The following TDRD5 variants were observed in gnomAD, a reference collection of about 807,000 sequenced individuals.
The protein encoded by TDRD5 is tudor domain-containing protein 5.
A neutral mutation model predicts 120.6 loss-of-function variants in TDRD5; 41 were observed. The observed-to-expected ratio is 0.34, with a 90% CI of 0.26 to 0.44. The LOEUF is 0.44. TDRD5 is among the 20% of genes least tolerant of loss of function. The pLI, the probability that TDRD5 is intolerant of heterozygous loss-of-function variation, is 1.00. For synonymous variants in TDRD5, 430 were observed against 433.7 expected (o/e 0.99, Z 0.11); for missense variants, 1,006 against 1,221.2 (o/e 0.82, Z 2.63).
intron 14 of TDRD5, among the ~76,000 whole-genome samples, chr1:179,659,550 C>CGTGT (rs71569263): frequency 0.026 from 3,400 of 129,814 alleles, 64 homozygotes; most frequent in Middle Eastern, 0.078. Flanking sequence ...TTCCAGTTTT[C>CGTGT]GTGTGTGTGT....
chr1:179,628,023 AT>A (rs1677223349), intron 6 of TDRD5, among the ~76,000 whole-genome samples: 1 of 152,196 alleles, frequency 6.6e-6, no homozygotes, highest in Admixed American at 6.5e-5. Flanking sequence ...ACAACCAGAT[AT>A]TACGTGCCCC....
At chr1:179,654,144 G>A in intron 13 of TDRD5, 57 bp from the exon 14 acceptor site, 1 of 1,398,742 alleles carries the variant, frequency 7.1e-7, no homozygotes, top group African/African-American at 1.4e-5. Context: ...TAGGCATGTA[G>A]ATTTTGGAAA....
Position 179,673,663 on chromosome 1 carries a change from T to C in TDRD5, c.2860+4259T>C, listed in dbSNP as rs1182934362. Among the ~76,000 whole-genome samples, 3 of 152,052 alleles carry C rather than the reference T, an allele frequency of 2.0e-5. No homozygotes were observed. The South Asian group carries it at 6.3e-4, about 32-fold the overall frequency. On this transcript the variant is annotated intron_variant, in intron 17 of 17. Transcript: ENST00000444136. The stretch of plus-strand genomic sequence containing the variant: ...GGTGATTCACAAATGGTTACATTCT[T>C]TTGAGTTTCTGATTAGCCTTTCCAA...
chr1:179,601,933 G>A (rs1197144307), intron 4 of TDRD5, among the ~76,000 whole-genome samples: 1 of 152,178 alleles, frequency 6.6e-6, no homozygotes, highest in African/African-American at 2.4e-5. Context: ...AGCCTCCCGA[G>A]TAGCTGGGAC....
chr1:179,631,132 C>T (rs1166509946), intron 7 of TDRD5, among the ~76,000 whole-genome samples: 1 of 152,132 alleles, frequency 6.6e-6, no homozygotes, highest in Non-Finnish European at 1.5e-5. Flanking sequence ...TGGCTCATGC[C>T]TATAATCCCA....
At chr1:179,621,689 A>G (rs1168789517) in intron 6 of TDRD5, among the ~76,000 whole-genome samples, 1 of 152,168 alleles carries the variant, frequency 6.6e-6, no homozygotes, top group Non-Finnish European at 1.5e-5. Flanking sequence ...TAAAACCATA[A>G]TGTTGAGTGA....
chr1:179,641,034 G>C (rs1369216310), intron 11 of TDRD5, among the ~76,000 whole-genome samples: 1 of 152,106 alleles, frequency 6.6e-6, no homozygotes, highest in African/African-American at 2.4e-5. Context: ...CTTTGAGGTG[G>C]AATGGAGCAG....
At chr1:179,640,283 G>T (rs1249693710) in intron 10 of TDRD5, 96 bp from the exon 11 acceptor site, 1 of 1,357,498 alleles carries the variant, frequency 7.4e-7, no homozygotes, top group African/African-American at 1.4e-5. Flanking sequence ...TTACGTTTTA[G>T]TCTCTTATTA....
chr1:179,638,153 G>GTAAATACCC (rs1292450141), intron 9 of TDRD5, among the ~76,000 whole-genome samples: 1 of 133,140 alleles, frequency 7.5e-6, no homozygotes, highest in African/African-American at 2.7e-5. Context: ...AATACCATGG[G>GTAAATACCC]AAGATGTTTT....
chr1:179,594,603 TAC>T (rs1245104922), intron 3 of TDRD5, among the ~76,000 whole-genome samples: 1 of 152,276 alleles, frequency 6.6e-6, no homozygotes, highest in African/African-American at 2.4e-5. Context: ...CTTGACAATG[TAC>T]AGTTTACACA....
At chr1:179,597,472 C>T (rs976218892) in intron 4 of TDRD5, among the ~76,000 whole-genome samples, 93 of 151,790 alleles carry the variant, frequency 6.1e-4, no homozygotes, top group African/African-American at 2.1e-3. Flanking sequence ...GCTGGGATTA[C>T]AGGCGTCAGC....
chr1:179,641,533 G>GA (rs919225465), intron 11 of TDRD5, among the ~76,000 whole-genome samples: 14 of 143,490 alleles, frequency 9.8e-5, no homozygotes, highest in East Asian at 8.1e-4. Context: ...CTCCGTCTCA[G>GA]AAAAAAAAAA....
chr1:179,612,935 C>CA (rs35980053), intron 4 of TDRD5, among the ~76,000 whole-genome samples: 24,982 of 88,136 alleles, frequency 0.28, 3,105 homozygotes, highest in East Asian at 0.39. Flanking sequence ...GACTTTGTCT[C>CA]AAAAAAAAAA....
chr1:179,652,867 T>A (rs977159916), intron 13 of TDRD5, among the ~76,000 whole-genome samples: 1 of 152,202 alleles, frequency 6.6e-6, no homozygotes, highest in African/African-American at 2.4e-5. Context: ...GTCCAAACTT[T>A]GTTTCATGCA....
chr1:179,607,122 G>A (rs992101888), intron 4 of TDRD5, among the ~76,000 whole-genome samples: 6 of 151,962 alleles, frequency 3.9e-5, no homozygotes, highest in Non-Finnish European at 4.4e-5. Context: ...TCAGAGTTTT[G>A]TAGTATTCCT....
chr1:179,647,546 G>A (rs1006593540), intron 11 of TDRD5, among the ~76,000 whole-genome samples: 2 of 151,346 alleles, frequency 1.3e-5, no homozygotes, highest in African/African-American at 4.8e-5. Flanking sequence ...CATGGGCAAG[G>A]ACTTCATGTC....
chr1:179,619,384 CTT>C (rs1208905984), intron 5 of TDRD5, among the ~76,000 whole-genome samples: 1 of 152,082 alleles, frequency 6.6e-6, no homozygotes, highest in Non-Finnish European at 1.5e-5. Flanking sequence ...AGTGAAAACT[CTT>C]TGGTGTTATG....
intron 7 of TDRD5, among the ~76,000 whole-genome samples, 163 bp downstream of exon 7, chr1:179,631,083 T>C (rs1227954418): frequency 2.0e-5 from 3 of 152,152 alleles, no homozygotes; most frequent in Non-Finnish European, 4.4e-5. Context: ...ATAAAAATAA[T>C]CTGAATTTTA....
intron 6 of TDRD5, among the ~76,000 whole-genome samples, chr1:179,628,319 CTTTTCTTTTT>C (rs1346168391): frequency 0.049 from 3,748 of 75,796 alleles, 60 homozygotes; most frequent in East Asian, 0.12. Flanking sequence ...CTTTTCTTTT[CTTTTCTTTTT>C]TTTTTTTTTT....
Sources: gnomAD v4.1 joint callset for allele counts (sites outside exome capture counted in the v4.1 genomes callset) on GRCh38, gnomAD v4.1.1 for gene constraint, MANE v1.5 for transcripts, NCBI Gene and HGNC (gene_info 2026-07-23, HGNC 2026-07-21) for gene names.